Variants in INSYN2B observed in about 807,000 individuals in gnomAD.
INSYN2B encodes inhibitory synaptic factor family member 2B, also known as protein INSYN2B.
Under a neutral mutation model 41.2 loss-of-function variants are expected in INSYN2B, and 16 were observed. That is an observed-to-expected ratio of 0.39 (90% CI 0.26 to 0.59). The LOEUF is 0.59. Among genes scored for constraint, INSYN2B ranks in the 20% least tolerant of loss-of-function variants. The pLI is 0.57. For synonymous variants in INSYN2B, 245 were observed against 244.4 expected (o/e 1.00, Z -0.02); for missense variants, 608 against 646.4 (o/e 0.94, Z 0.64).
At chr5:169,900,008 A>G (rs970491617) in intron 1 of INSYN2B, among the ~76,000 whole-genome samples, 5 of 152,176 alleles carry the variant, frequency 3.3e-5, no homozygotes, top group African/African-American at 1.2e-4. Flanking sequence ...CAGGGTCTCC[A>G]GCACTCGAAA....
At chr5:169,903,586 C>T (rs1774086676) in intron 1 of INSYN2B, among the ~76,000 whole-genome samples, 1 of 152,022 alleles carries the variant, frequency 6.6e-6, no homozygotes, top group Admixed American at 6.5e-5. Flanking sequence ...AGGGAAGTCA[C>T]TTCAGGACAC....
chr5:169,891,006 A>G (rs1773249511), intron 1 of INSYN2B, among the ~76,000 whole-genome samples: 2 of 152,192 alleles, frequency 1.3e-5, no homozygotes, highest in Admixed American at 6.5e-5. Flanking sequence ...AACTAGTTCC[A>G]TAACTTTCAG....
chr5:169,952,087 T>C (rs998436475), intron 1 of INSYN2B, among the ~76,000 whole-genome samples: 1 of 152,228 alleles, frequency 6.6e-6, no homozygotes, highest in African/African-American at 2.4e-5. Flanking sequence ...GGGTTTCTCC[T>C]ACCATTTCAG....
At chr5:169,958,820 G>A (rs1265898773) in intron 1 of INSYN2B, among the ~76,000 whole-genome samples, 2 of 152,136 alleles carry the variant, frequency 1.3e-5, no homozygotes, top group African/African-American at 2.4e-5. Context: ...AGGGCAAAGG[G>A]GTCTCACCTT....
chr5:169,879,279 G>A (rs975827054), intron 3 of INSYN2B, among the ~76,000 whole-genome samples: 14 of 151,846 alleles, frequency 9.2e-5, no homozygotes, highest in African/African-American at 3.4e-4. Context: ...AAGGCCTGGG[G>A]ATGAGTATTT....
intron 1 of INSYN2B, among the ~76,000 whole-genome samples, chr5:169,963,603 C>T (rs966204248): frequency 2.0e-5 from 3 of 152,136 alleles, no homozygotes; most frequent in Admixed American, 6.5e-5. Flanking sequence ...CGTTCCCCTC[C>T]GGTGCACATC....
At position 169,954,911 on chromosome 5, in the gene INSYN2B, G is replaced by A. The variant is rs369046098; in HGVS notation, c.-919+25366C>T. Among the ~76,000 whole-genome samples, 27 of 152,326 alleles carry A rather than the reference G, an allele frequency of 1.8e-4. 1 individual carries two copies. The South Asian group carries it at 4.8e-3, about 27-fold the overall frequency. On this transcript the variant is annotated intron_variant, in intron 1 of 3. Transcript: ENST00000377365. ...AGCCAGGGGAGCGTGGGTGAAATATGAGCAGACGTTTTCACCAGCTGTTAA... is the reference window on the plus strand; with the variant it reads ...AGCCAGGGGAGCGTGGGTGAAATATAAGCAGACGTTTTCACCAGCTGTTAA...
chr5:169,943,688 T>C (rs2113710280), intron 1 of INSYN2B, among the ~76,000 whole-genome samples: 1 of 152,320 alleles, frequency 6.6e-6, no homozygotes. Context: ...GGTGTGGTCC[T>C]GGGATCAGTG....
At chr5:169,925,675 G>A (rs1277253084) in intron 1 of INSYN2B, among the ~76,000 whole-genome samples, 2 of 149,980 alleles carry the variant, frequency 1.3e-5, no homozygotes. Context: ...GACTTCTGTA[G>A]TTCAGTTTCT....
chr5:169,875,024 C>T (rs1034262139), intron 3 of INSYN2B, among the ~76,000 whole-genome samples: 7 of 152,060 alleles, frequency 4.6e-5, no homozygotes, highest in African/African-American at 1.7e-4. Context: ...ACCCTAAAAT[C>T]AAAGCCAAGC....
At chr5:169,906,393 C>T (rs753474829) in intron 1 of INSYN2B, among the ~76,000 whole-genome samples, 2 of 152,194 alleles carry the variant, frequency 1.3e-5, no homozygotes, top group East Asian at 1.9e-4. Flanking sequence ...CAATTAAAAC[C>T]ACCATCATTT....
chr5:169,932,488 A>G (rs1428911739), intron 1 of INSYN2B, among the ~76,000 whole-genome samples: 1 of 152,192 alleles, frequency 6.6e-6, no homozygotes, highest in Non-Finnish European at 1.5e-5. Context: ...TTGATGGAAC[A>G]TGCTTCTGGG....
intron 1 of INSYN2B, among the ~76,000 whole-genome samples, chr5:169,972,586 T>TAGATAGATAGATGATAGATA: frequency 1.4e-5 from 1 of 69,040 alleles, no homozygotes; most frequent in Admixed American, 1.5e-4. Flanking sequence ...GATAGATAGA[T>TAGATAGATAGATGATAGATA]GATAGATAGA....
chr5:169,900,846 G>T (rs1319300184), intron 1 of INSYN2B, among the ~76,000 whole-genome samples: 3 of 152,028 alleles, frequency 2.0e-5, no homozygotes, highest in Non-Finnish European at 4.4e-5. Flanking sequence ...AGCCTGCCTG[G>T]AATTGACTGT....
intron 3 of INSYN2B, 76 bp from the exon 4 acceptor site, chr5:169,864,535 C>T: frequency 2.6e-6 from 3 of 1,148,756 alleles, no homozygotes; most frequent in Admixed American, 2.8e-5. Flanking sequence ...TCAGCCCCAA[C>T]TAATATGGAA....
intron 1 of INSYN2B, among the ~76,000 whole-genome samples, chr5:169,959,130 T>C (rs1240448222): frequency 6.6e-6 from 1 of 152,104 alleles, no homozygotes; most frequent in Non-Finnish European, 1.5e-5. Flanking sequence ...TGGTGGCTCA[T>C]GCCTGTAATC....
intron 1 of INSYN2B, among the ~76,000 whole-genome samples, chr5:169,969,313 G>A (rs1777413810): frequency 6.6e-6 from 1 of 151,728 alleles, no homozygotes; most frequent in Non-Finnish European, 1.5e-5. Context: ...GGTGTGGTGT[G>A]GGGCACTTGT....
intron 1 of INSYN2B, among the ~76,000 whole-genome samples, chr5:169,891,546 TA>T (rs1773282981): frequency 6.6e-6 from 1 of 152,018 alleles, no homozygotes; most frequent in African/African-American, 2.4e-5. Flanking sequence ...TAAAACAGAA[TA>T]AAGTGGAGTT....
At chr5:169,910,882 G>C (rs1170111556) in intron 1 of INSYN2B, among the ~76,000 whole-genome samples, 2 of 152,166 alleles carry the variant, frequency 1.3e-5, no homozygotes. Context: ...CTCCTGCAGG[G>C]GGTTGGTTAA....
Sources: gnomAD v4.1 joint callset for allele counts (sites outside exome capture counted in the v4.1 genomes callset) on GRCh38, gnomAD v4.1.1 for gene constraint, MANE v1.5 for transcripts, NCBI Gene and HGNC (gene_info 2026-07-23, HGNC 2026-07-21) for gene names.